The following ATP11B variants were observed in gnomAD, a reference collection of about 807,000 sequenced individuals.
The protein encoded by ATP11B is phospholipid-transporting ATPase IF.
A neutral mutation model predicts 157.8 loss-of-function variants in ATP11B; 81 were observed. That is an observed-to-expected ratio of 0.51 (90% CI 0.43 to 0.62). ATP11B has a LOEUF of 0.62. Ranked by LOEUF, ATP11B falls within the 20% of genes least tolerant of loss-of-function variation. The pLI, the probability that ATP11B is intolerant of heterozygous loss-of-function variation, is 0.00. For synonymous variants in ATP11B, 451 were observed against 469.4 expected (o/e 0.96, Z 0.51); for missense variants, 1,165 against 1,402.2 (o/e 0.83, Z 2.70).
At chr3:182,842,496 T>C (rs1032156083) in intron 8 of ATP11B, among the ~76,000 whole-genome samples, 62 of 152,202 alleles carry the variant, frequency 4.1e-4, no homozygotes, top group African/African-American at 1.4e-3. Flanking sequence ...CAGAAACCTC[T>C]GGAAGCCCTC....
chr3:182,866,929 A>T (rs1284390968), intron 14 of ATP11B, among the ~76,000 whole-genome samples: 2 of 94,304 alleles, frequency 2.1e-5, no homozygotes, highest in African/African-American at 5.8e-5. Flanking sequence ...AAATATATAT[A>T]TATTTTTTTT....
intron 10 of ATP11B, among the ~76,000 whole-genome samples, chr3:182,855,345 C>T (rs596179): frequency 0.7 from 106,602 of 151,964 alleles, 37,802 homozygotes; most frequent in Non-Finnish European, 0.76. Flanking sequence ...CAATTGGATA[C>T]CCATAGCAAA....
At chr3:182,854,974 C>T (rs757851419) in intron 10 of ATP11B, among the ~76,000 whole-genome samples, 8 of 152,008 alleles carry the variant, frequency 5.3e-5, no homozygotes, top group Non-Finnish European at 8.8e-5. Flanking sequence ...AAGATTCGTA[C>T]GGTAAAGATG....
chr3:182,895,776 A>G (rs892184556), intron 25 of ATP11B, among the ~76,000 whole-genome samples: 1 of 152,200 alleles, frequency 6.6e-6, no homozygotes, highest in African/African-American at 2.4e-5. Flanking sequence ...GGGTCTGGGC[A>G]GTATGGCTCG....
At chr3:182,818,527 C>A (rs1158287283) in intron 1 of ATP11B, among the ~76,000 whole-genome samples, 1 of 152,126 alleles carries the variant, frequency 6.6e-6, no homozygotes, top group Non-Finnish European at 1.5e-5. Context: ...TTTAAATAGT[C>A]TGAACAAATA....
At chr3:182,914,268 T>TAGGA (rs1439119229) in intron 29 of ATP11B, 5 of 1,194,288 alleles carry the variant, frequency 4.2e-6, no homozygotes, top group Non-Finnish European at 5.2e-6. Flanking sequence ...ATGTGCTCAG[T>TAGGA]AGGAGTGTGT....
chr3:182,842,068 T>C lies in ATP11B; in HGVS notation c.657-7T>C, dbSNP rs1288367590. ...TATATGTTTTTGTAATGTGAATTTT[T>C]TGATAGATTCATGGGACGAATGATC... is the stretch of plus-strand genomic sequence containing the variant. On this transcript the variant is annotated splice_polypyrimidine_tract_variant and splice_region_variant and intron_variant, in intron 7 of 29. Coordinates refer to ENST00000323116, the MANE Select transcript of ATP11B (RefSeq NM_014616.3). The C allele has an allele frequency of 1.3e-6, 2 of 1,596,886 alleles. No homozygotes were observed. Among genetic ancestry groups the C allele is most frequent in the Admixed American group, 3.4e-5 (2 of 59,360 alleles).
At chr3:182,908,769 T>C (rs1404623935) in intron 28 of ATP11B, among the ~76,000 whole-genome samples, 1 of 152,246 alleles carries the variant, frequency 6.6e-6, no homozygotes, top group Non-Finnish European at 1.5e-5. Context: ...TTACTTGTTT[T>C]AGAGATTTTA....
At chr3:182,831,646 C>T (rs1718152722) in intron 4 of ATP11B, among the ~76,000 whole-genome samples, 1 of 151,976 alleles carries the variant, frequency 6.6e-6, no homozygotes, top group Admixed American at 6.6e-5. Context: ...TAAGCATGCT[C>T]CTATCTCAAG....
chr3:182,872,789 C>T (rs914994357), intron 18 of ATP11B, among the ~76,000 whole-genome samples: 1 of 152,216 alleles, frequency 6.6e-6, no homozygotes, highest in Non-Finnish European at 1.5e-5. Context: ...GAATACTCCT[C>T]AGCATGTCAT....
chr3:182,879,445 T>C, intron 19 of ATP11B, 51 bp from the exon 20 acceptor site: 1 of 1,497,284 alleles, frequency 6.7e-7, no homozygotes, highest in South Asian at 1.4e-5. Flanking sequence ...TGAGTGTAAA[T>C]AATATGGCTT....
At chr3:182,799,196 A>T (rs1180319708) in intron 1 of ATP11B, among the ~76,000 whole-genome samples, 1 of 152,134 alleles carries the variant, frequency 6.6e-6, no homozygotes, top group Non-Finnish European at 1.5e-5. Flanking sequence ...GTCAACATCG[A>T]CTGCTGTGGG....
chr3:182,847,295 T>C (rs1337874649), intron 9 of ATP11B, among the ~76,000 whole-genome samples: 1 of 152,180 alleles, frequency 6.6e-6, no homozygotes, highest in Non-Finnish European at 1.5e-5. Flanking sequence ...TGCCTTGGCC[T>C]CCCAAAGTGA....
chr3:182,838,626 A>AATT (rs1391552091), intron 7 of ATP11B, among the ~76,000 whole-genome samples: 1 of 152,060 alleles, frequency 6.6e-6, no homozygotes, highest in Non-Finnish European at 1.5e-5. Flanking sequence ...TCATTTAACA[A>AATT]ATTATTGTTT....
chr3:182,836,065 G>A lies in ATP11B; in HGVS notation c.346G>A (p.Asp116Asn). ...GYEDWLRHNS[D>N]NEVNGAPVYV... Reference sequence around the variant, plus strand: ...TGAAGATTGGTTACGGCATAACTCAGATAATGAAGTAAATGGAGCTCCTGT... The same window carrying A: ...TGAAGATTGGTTACGGCATAACTCAAATAATGAAGTAAATGGAGCTCCTGT... The change falls in exon 5 of 30, where the codon GAT (aspartate) becomes AAT (asparagine). Residue 116 changes from aspartate (D) to asparagine (N), a missense_variant. Asp to Asn is a conservative substitution (Grantham distance 23). Transcript: ENST00000323116. 1.9e-6 allele frequency: 3 copies of A among 1,613,478 alleles called. No individual in the cohort carries two copies. The South Asian group carries it at 3.3e-5, about 18-fold the overall frequency.
chr3:182,873,446 T>C (rs1721810514), intron 18 of ATP11B, among the ~76,000 whole-genome samples: 1 of 152,230 alleles, frequency 6.6e-6, no homozygotes, highest in Admixed American at 6.5e-5. Flanking sequence ...GTTTGAGATA[T>C]TTTTTTAAAT....
At chr3:182,891,619 T>C (rs555197493) in intron 25 of ATP11B, among the ~76,000 whole-genome samples, 254 of 152,338 alleles carry the variant, frequency 1.7e-3, no homozygotes, top group African/African-American at 5.9e-3. Context: ...TTCTAATTTT[T>C]AGTAACTTTT....
intron 21 of ATP11B, 88 bp downstream of exon 21, chr3:182,881,069 A>ATTTTCTTTTTGT (rs1157998372): frequency 2.1e-6 from 2 of 960,832 alleles, no homozygotes; most frequent in Non-Finnish European, 3.1e-6. Context: ...TTGTAGATTA[A>ATTTTCTTTTTGT]AGTACAGTAT....
At chr3:182,810,083 G>A (rs1401128227) in intron 1 of ATP11B, among the ~76,000 whole-genome samples, 1 of 152,170 alleles carries the variant, frequency 6.6e-6, no homozygotes, top group Non-Finnish European at 1.5e-5. Context: ...GGTGGCTCAT[G>A]CACTTTGGGA....
Sources: gnomAD v4.1 joint callset for allele counts (sites outside exome capture counted in the v4.1 genomes callset) on GRCh38, gnomAD v4.1.1 for gene constraint, MANE v1.5 for transcripts, NCBI Gene and HGNC (gene_info 2026-07-23, HGNC 2026-07-21) for gene names.